The following KIF16B variants were observed in gnomAD, a reference collection of about 807,000 sequenced individuals.
The protein encoded by KIF16B is kinesin-like protein KIF16B.
KIF16B carries 98 observed loss-of-function variants against 156.3 expected under a neutral mutation model. That is an observed-to-expected ratio of 0.63 (90% CI 0.53 to 0.74). The LOEUF (loss-of-function observed/expected upper bound fraction) is 0.74. KIF16B is among the 30% of genes least tolerant of loss of function. The pLI, the probability that KIF16B is intolerant of heterozygous loss-of-function variation, is 0.00. For missense variants in KIF16B, 1,421 were observed against 1,606.5 expected (o/e 0.88, Z 1.97); for synonymous variants, 564 against 583.7 (o/e 0.97, Z 0.49).
At chr20:16,442,554 T>C (rs1296252623) in intron 12 of KIF16B, among the ~76,000 whole-genome samples, 2 of 152,088 alleles carry the variant, frequency 1.3e-5, no homozygotes, top group South Asian at 2.1e-4. Flanking sequence ...TCTGTGATGA[T>C]AAATATATCT....
intron 3 of KIF16B, among the ~76,000 whole-genome samples, chr20:16,525,581 G>A (rs1012882422): frequency 6.6e-6 from 1 of 152,094 alleles, no homozygotes; most frequent in Non-Finnish European, 1.5e-5. Flanking sequence ...AGATTTCTTG[G>A]ACAAATTCCA....
chr20:16,476,693 C>G (rs898920733), intron 12 of KIF16B, among the ~76,000 whole-genome samples: 4 of 152,146 alleles, frequency 2.6e-5, no homozygotes, highest in African/African-American at 9.7e-5. Context: ...GCAGGATAGC[C>G]ATATTCCCCT....
rs200112498 is a variant in KIF16B, at chr20:16,367,131, T to C, written c.3498+3455A>G. ...ATCTCAAAAAACATGTAGTGCATCT[T>C]TAAAAGTCTCCTCCTTAGAGTCTTG... On this transcript the variant is annotated intron_variant, in intron 22 of 25. Transcript: ENST00000354981. 5.6e-4 allele frequency: 874 copies of C among 1,548,290 alleles called. 1 individual carries two copies. The highest frequency in any genetic ancestry group is 7.2e-4 in the Non-Finnish European group (832 of 1,151,220).
chr20:16,490,802 C>A (rs184860279), intron 12 of KIF16B, among the ~76,000 whole-genome samples: 1 of 152,266 alleles, frequency 6.6e-6, no homozygotes, highest in Non-Finnish European at 1.5e-5. Context: ...GCAGCCCTAG[C>A]AGATTAATAC....
At chr20:16,366,421 G>A (rs2064668360) in intron 22 of KIF16B, among the ~76,000 whole-genome samples, 1 of 152,192 alleles carries the variant, frequency 6.6e-6, no homozygotes, top group Non-Finnish European at 1.5e-5. Flanking sequence ...AGAGACAAAA[G>A]TTCTGAGAAA....
At chr20:16,295,577 C>T (rs2063374143) in intron 25 of KIF16B, among the ~76,000 whole-genome samples, 1 of 150,758 alleles carries the variant, frequency 6.6e-6, no homozygotes, top group South Asian at 2.1e-4. Context: ...TATATTATTT[C>T]ATAATTAATA....
At chr20:16,467,092 GC>G (rs1260270686) in intron 12 of KIF16B, among the ~76,000 whole-genome samples, 1 of 152,198 alleles carries the variant, frequency 6.6e-6, no homozygotes, top group Admixed American at 6.5e-5. Context: ...TTTTACCAGA[GC>G]CTAACCTGCT....
intron 25 of KIF16B, among the ~76,000 whole-genome samples, chr20:16,277,009 T>C (rs1029990386): frequency 2.6e-5 from 4 of 152,208 alleles, no homozygotes; most frequent in Non-Finnish European, 5.9e-5. Flanking sequence ...GCCCTCCTCG[T>C]ACTCCCTCCT....
chr20:16,475,307 C>T (rs937645459), intron 12 of KIF16B, among the ~76,000 whole-genome samples: 4 of 151,600 alleles, frequency 2.6e-5, no homozygotes, highest in Non-Finnish European at 5.9e-5. Flanking sequence ...GTACTATTAT[C>T]CCCATTTTAC....
chr20:16,447,072 A>G (rs1479256014), intron 12 of KIF16B, among the ~76,000 whole-genome samples: 1 of 152,134 alleles, frequency 6.6e-6, no homozygotes, highest in African/African-American at 2.4e-5. Flanking sequence ...GCATTTTGTA[A>G]ATTGTTTAAA....
At chr20:16,405,221 C>T (rs1453148312) in intron 16 of KIF16B, among the ~76,000 whole-genome samples, 2 of 152,146 alleles carry the variant, frequency 1.3e-5, no homozygotes, top group Admixed American at 1.3e-4. Context: ...TTGCCATCCT[C>T]CATTACCTGG....
chr20:16,436,436 T>A (rs1377331005), intron 12 of KIF16B, among the ~76,000 whole-genome samples: 1 of 152,160 alleles, frequency 6.6e-6, no homozygotes, highest in African/African-American at 2.4e-5. Flanking sequence ...TCGAGCTTCT[T>A]AATGTTTCCC....
intron 25 of KIF16B, among the ~76,000 whole-genome samples, chr20:16,274,088 CA>C (rs1037970080): frequency 4.7e-4 from 64 of 136,282 alleles, no homozygotes; most frequent in African/African-American, 1.6e-3. Context: ...AAAAAAAAAA[CA>C]AAAAAAAAAG....
chr20:16,295,010 TCATTATTTTCC>T, intron 25 of KIF16B, among the ~76,000 whole-genome samples: 1 of 152,190 alleles, frequency 6.6e-6, no homozygotes, highest in Non-Finnish European at 1.5e-5. Context: ...GCAAGCTTGC[TCATTATTTTCC>T]AAAGGATAAA....
intron 1 of KIF16B, among the ~76,000 whole-genome samples, chr20:16,566,265 T>C (rs2071249732): frequency 6.6e-6 from 1 of 152,228 alleles, no homozygotes; most frequent in South Asian, 2.1e-4. Context: ...CTTCCTGCAC[T>C]GGTTGTCAGC....
intron 12 of KIF16B, among the ~76,000 whole-genome samples, chr20:16,490,048 T>A (rs1002270821): frequency 1.6e-4 from 24 of 152,240 alleles, no homozygotes; most frequent in Non-Finnish European, 8.8e-5. Context: ...CCTGTCACTC[T>A]GCCCACTAGG....
At chr20:16,435,742 A>G (rs1213649366) in intron 12 of KIF16B, among the ~76,000 whole-genome samples, 1 of 152,134 alleles carries the variant, frequency 6.6e-6, no homozygotes, top group East Asian at 1.9e-4. Flanking sequence ...TTTGTGTTCA[A>G]TGGGCCTAAC....
intron 17 of KIF16B, among the ~76,000 whole-genome samples, chr20:16,399,582 A>G (rs1033316622): frequency 5.3e-5 from 8 of 152,184 alleles, no homozygotes; most frequent in Non-Finnish European, 1.0e-4. Context: ...CAAGTGGAGA[A>G]ATATCACCTG....
chr20:16,486,000 T>A (rs568946330), intron 12 of KIF16B, among the ~76,000 whole-genome samples: 1 of 152,296 alleles, frequency 6.6e-6, no homozygotes, highest in African/African-American at 2.4e-5. Context: ...TTTTATATAA[T>A]CTCAAGCTTC....
Sources: allele counts gnomAD v4.1 joint callset (sites outside exome capture counted in the v4.1 genomes callset), GRCh38; gene constraint gnomAD v4.1.1; transcripts MANE v1.5; gene names NCBI Gene and HGNC (gene_info 2026-07-23, HGNC 2026-07-21).